Variants in KCNMB2 observed in about 807,000 individuals in gnomAD.
KCNMB2 encodes potassium calcium-activated channel subfamily M regulatory beta subunit 2.
Under a neutral mutation model 24.5 loss-of-function variants are expected in KCNMB2, and 9 were observed. The ratio of observed to expected loss-of-function variants is 0.37; its 90% CI spans 0.22 to 0.64. The LOEUF (loss-of-function observed/expected upper bound fraction) is 0.64. Among genes scored for constraint, KCNMB2 ranks in the 30% least tolerant of loss-of-function variants. KCNMB2 has a pLI of 0.63. For synonymous variants in KCNMB2, 109 were observed against 104.4 expected, an observed-to-expected ratio of 1.04 and a Z score of -0.27; for missense variants, 226 against 284.3, an observed-to-expected ratio of 0.79 and a Z score of 1.47.
At chr3:178,568,808 TAGATAGATAATAGATAGATAGATGATA>T (rs1560112219) in intron 1 of KCNMB2, among the ~76,000 whole-genome samples, 4 of 49,564 alleles carry the variant, frequency 8.1e-5, no homozygotes, top group Middle Eastern at 0.01. Flanking sequence ...GATAGATAGA[TAGATAGATAATAGATAGATAGATGATA>T]GATAGATAGA....
chr3:178,830,182 C>T (rs1426802392), intron 4 of KCNMB2, among the ~76,000 whole-genome samples: 2 of 152,098 alleles, frequency 1.3e-5, no homozygotes, highest in African/African-American at 4.8e-5. Flanking sequence ...ATAGTTTTGC[C>T]TCATTTTTAA....
At position 178,828,345 on chromosome 3, in the gene KCNMB2, C is replaced by A. The variant is rs766606256; in HGVS notation, c.395C>A (p.Thr132Lys). The change falls in exon 4 of 5, where the codon ACA (threonine) becomes AAA (lysine). Residue 132 changes from threonine (T) to lysine (K), a missense_variant. Thr to Lys is a moderately conservative substitution (Grantham distance 78). Coordinates refer to ENST00000452583, the MANE Select transcript of KCNMB2 (RefSeq NM_181361.3). ...SSGEKLLLYH[T>K]EETIKINQKC... ...GGGGAAAAGCTCCTCCTCTACCACA[C>A]AGAAGAGACAATAAAAATCAATCAG... 6.2e-7 allele frequency: 1 copy of A among 1,613,616 alleles called. No individual in the cohort carries two copies. Among genetic ancestry groups the A allele is most frequent in the Non-Finnish European group, 8.5e-7 (1 of 1,179,702 alleles).
chr3:178,659,208 G>A (rs527771474), intron 1 of KCNMB2, among the ~76,000 whole-genome samples: 8 of 152,224 alleles, frequency 5.3e-5, no homozygotes, highest in Non-Finnish European at 1.0e-4. Flanking sequence ...TATGACAACT[G>A]CCAGGTGAAA....
chr3:178,831,925 G>A (rs1026210112), intron 4 of KCNMB2, among the ~76,000 whole-genome samples: 3 of 152,102 alleles, frequency 2.0e-5, no homozygotes, highest in African/African-American at 4.8e-5. Context: ...ACTAATCAAA[G>A]ACACTGAAAC....
At chr3:178,626,258 C>T (rs915561422) in intron 1 of KCNMB2, among the ~76,000 whole-genome samples, 7 of 152,134 alleles carry the variant, frequency 4.6e-5, no homozygotes, top group African/African-American at 9.7e-5. Context: ...CAGACCCATG[C>T]AAGTTATTTA....
chr3:178,773,147 C>G (rs1015292868), intron 1 of KCNMB2, among the ~76,000 whole-genome samples: 1 of 152,184 alleles, frequency 6.6e-6, no homozygotes, highest in Non-Finnish European at 1.5e-5. Context: ...ACAGTCACGG[C>G]AACTCTTTAC....
At chr3:178,595,059 C>CAAAGAAAAAA (rs552549725) in intron 1 of KCNMB2, among the ~76,000 whole-genome samples, 4 of 123,738 alleles carry the variant, frequency 3.2e-5, no homozygotes, top group African/African-American at 8.7e-5. Context: ...ACAGTATTTG[C>CAAAGAAAAAA]AAAAAAAAAA....
At chr3:178,823,422 T>C (rs1714712370) in intron 2 of KCNMB2, among the ~76,000 whole-genome samples, 1 of 152,184 alleles carries the variant, frequency 6.6e-6, no homozygotes, top group African/African-American at 2.4e-5. Context: ...AACAAAGGCC[T>C]GTATTTAGCT....
At chr3:178,649,451 T>A (rs1390457365) in intron 1 of KCNMB2, among the ~76,000 whole-genome samples, 2 of 151,908 alleles carry the variant, frequency 1.3e-5, no homozygotes, top group Admixed American at 6.6e-5. Flanking sequence ...ATCTATAGAA[T>A]TTTTTTTCCT....
rs564926541 is a variant in KCNMB2 at position 178,686,530 on chromosome 3, A to C, written c.-67-120813A>C. On this transcript the variant is annotated intron_variant, in intron 1 of 4. Coordinates refer to ENST00000452583, the MANE Select transcript of KCNMB2 (RefSeq NM_181361.3). ...AGGGCCTTATAACCTGCTTCGGGCC[A>C]GAAAAATTCTTCCTAAGTTTTATTA... Among the ~76,000 whole-genome samples, 22 of 152,306 alleles carry C rather than the reference A, an allele frequency of 1.4e-4. No individual in the cohort carries two copies. The East Asian group carries it at 4.0e-3, about 28-fold the overall frequency.
intron 1 of KCNMB2, among the ~76,000 whole-genome samples, chr3:178,802,952 C>A (rs772083050): frequency 6.6e-6 from 1 of 152,048 alleles, no homozygotes; most frequent in African/African-American, 2.4e-5. Flanking sequence ...AGAGAAAATT[C>A]AATCCATTTG....
chr3:178,717,968 A>G (rs1722674332), intron 1 of KCNMB2, among the ~76,000 whole-genome samples: 1 of 152,002 alleles, frequency 6.6e-6, no homozygotes, highest in South Asian at 2.1e-4. Flanking sequence ...ACTCTCGTCC[A>G]TTTCTAGAGA....
At chr3:178,728,048 T>G (rs896633421) in intron 1 of KCNMB2, among the ~76,000 whole-genome samples, 2 of 152,214 alleles carry the variant, frequency 1.3e-5, no homozygotes, top group East Asian at 3.8e-4. Flanking sequence ...GTATAGGCCT[T>G]ATGCATGGAA....
At chr3:178,791,911 C>G (rs973540909) in intron 1 of KCNMB2, among the ~76,000 whole-genome samples, 3 of 147,006 alleles carry the variant, frequency 2.0e-5, no homozygotes, top group Non-Finnish European at 4.5e-5. Context: ...ATCTTTTAAA[C>G]ATGAAGGAGA....
intron 1 of KCNMB2, among the ~76,000 whole-genome samples, chr3:178,675,462 AG>A (rs572625984): frequency 1.3e-3 from 195 of 152,334 alleles, no homozygotes; most frequent in Middle Eastern, 3.4e-3. Context: ...GATTTCTGTT[AG>A]TGTCAGAACT....
rs1013418464 is a variant in KCNMB2, at chr3:178,843,657, A to G, written c.*720A>G. 1.3e-5 allele frequency: 2 copies of G among 154,184 alleles called. No individual in the cohort carries two copies. Among genetic ancestry groups the G allele is most frequent in the African/African-American group, 2.4e-5 (1 of 41,466 alleles). 9.6% of individuals were successfully genotyped at this position (154,184 alleles called of 1,614,324 possible). On this transcript the variant is annotated 3_prime_UTR_variant, in exon 5 of 5. Transcript: ENST00000452583. ...GTGTGAAGAGATGATACTTACAAGG[A>G]GTGTCATTACCTGTGAGCTGACTGA...
At chr3:178,542,803 C>T (rs968321480) in intron 1 of KCNMB2, among the ~76,000 whole-genome samples, 1 of 152,134 alleles carries the variant, frequency 6.6e-6, no homozygotes, top group African/African-American at 2.4e-5. Flanking sequence ...TTTCTAGACA[C>T]GCTGTATAAT....
intron 1 of KCNMB2, among the ~76,000 whole-genome samples, chr3:178,554,246 G>A (rs150680790): frequency 6.3e-4 from 96 of 152,222 alleles, no homozygotes; most frequent in African/African-American, 2.0e-3. Context: ...TATCCCCATC[G>A]CAATAAAATT....
intron 1 of KCNMB2, among the ~76,000 whole-genome samples, chr3:178,720,026 A>T (rs534300557): frequency 9.2e-5 from 14 of 152,234 alleles, no homozygotes; most frequent in Non-Finnish European, 1.8e-4. Flanking sequence ...CATGTGCACA[A>T]CGTGCCGGTT....
Sources: allele counts gnomAD v4.1 joint callset (sites outside exome capture counted in the v4.1 genomes callset), GRCh38; gene constraint gnomAD v4.1.1; transcripts MANE v1.5; gene names NCBI Gene and HGNC (gene_info 2026-07-23, HGNC 2026-07-21).